Variants in PADI4 observed in about 807,000 individuals in gnomAD.
The protein encoded by PADI4 is peptidyl arginine deiminase 4.
In PADI4, 62 loss-of-function variants were observed where a neutral mutation model predicts 75.0. The observed-to-expected ratio is 0.83, with a 90% CI of 0.67 to 1.02. The LOEUF (loss-of-function observed/expected upper bound fraction) is 1.02. Ranked by LOEUF, PADI4 falls within the 50% of genes least tolerant of loss-of-function variation. The probability of loss-of-function intolerance (pLI) is 0.00; values close to 1 mark genes in which losing one functional copy is unlikely to be tolerated. For synonymous variants in PADI4, 361 were observed against 348.1 expected (o/e 1.04, Z -0.41); for missense variants, 845 against 850.5 (o/e 0.99, Z 0.08).
intron 13 of PADI4, 25 bp from the exon 14 acceptor site, chr1:17,358,813 T>C (rs2074803745): frequency 3.3e-6 from 5 of 1,520,044 alleles, no homozygotes; most frequent in Non-Finnish European, 4.5e-6. Flanking sequence ...TTCATTTGCC[T>C]TTTTTTTCTT....
intron 8 of PADI4, among the ~76,000 whole-genome samples, chr1:17,345,481 G>C (rs1259402794): frequency 1.3e-5 from 2 of 152,154 alleles, no homozygotes; most frequent in Non-Finnish European, 2.9e-5. Context: ...ATATGCTTTG[G>C]TTCTGTGTCC....
rs148283483 is a variant in PADI4, at chr1:17,339,957, G to A, written c.652+144G>A. 7.4e-4 allele frequency: 610 copies of A among 825,770 alleles called. 3 individuals carry two copies. In the African/African-American group the frequency reaches 9.2e-3, roughly 12 times the overall value. 51.2% of individuals were successfully genotyped at this position (825,770 alleles called of 1,614,324 possible). A position where few individuals can be genotyped will look rare whatever the true frequency, so the allele number is the denominator to read the frequency against. Reference sequence around the variant, plus strand: ...AGACGCAGCAGTGGGCAAGACAGACGACATCTCGTCTACTACCTTCCAGTT... The same window carrying A: ...AGACGCAGCAGTGGGCAAGACAGACAACATCTCGTCTACTACCTTCCAGTT... On this transcript the variant is annotated intron_variant, in intron 6 of 15. Coordinates refer to ENST00000375448, the MANE Select transcript of PADI4 (RefSeq NM_012387.3).
intron 7 of PADI4, 31 bp downstream of exon 7, chr1:17,342,152 G>T: frequency 6.9e-6 from 11 of 1,605,092 alleles, no homozygotes; most frequent in Non-Finnish European, 9.4e-6. Flanking sequence ...TGCATCGGGG[G>T]CCTGGGCTTC....
At chr1:17,352,032 ATGG>A (rs1557576672) in intron 10 of PADI4, among the ~76,000 whole-genome samples, 10 of 7,220 alleles carry the variant, frequency 1.4e-3, no homozygotes, top group African/African-American at 3.1e-3. Flanking sequence ...CAGGGAGGTG[ATGG>A]GAGGAGAGGC....
rs190240558 is a variant in PADI4, at chr1:17,349,853, C to A, written c.1155+1805C>A. Among the ~76,000 whole-genome samples the A allele has an allele frequency of 7.3e-3, 933 of 127,092 alleles. 82 individuals carry two copies. Among genetic ancestry groups the A allele is most frequent in the African/African-American group, 0.023 (896 of 39,658 alleles). The allele number at this position is 127,092 out of a possible 152,430, so 83.4% of individuals were successfully genotyped here. A position where few individuals can be genotyped will look rare whatever the true frequency, so the allele number is the denominator to read the frequency against. Reference sequence around the variant, plus strand: ...CACCATTGTAGGCCACTCTCGCTGTCCCTTACCCAGCCCCACCTCCACTGG... The same window carrying A: ...CACCATTGTAGGCCACTCTCGCTGTACCTTACCCAGCCCCACCTCCACTGG... On this transcript the variant is annotated intron_variant, in intron 10 of 15. Transcript: ENST00000375448.
chr1:17,321,320 A>G (rs1484275416), intron 1 of PADI4, among the ~76,000 whole-genome samples: 1 of 152,202 alleles, frequency 6.6e-6, no homozygotes, highest in Non-Finnish European at 1.5e-5. Flanking sequence ...CAGGGAGAGC[A>G]GCACGGGGGA....
intron 2 of PADI4, among the ~76,000 whole-genome samples, chr1:17,333,471 T>G (rs1008437662): frequency 6.6e-6 from 1 of 152,036 alleles, no homozygotes; most frequent in African/African-American, 2.4e-5. Flanking sequence ...TTCTCATCTC[T>G]TCCTGAAGAA....
chr1:17,325,942 G>A (rs1487499790), intron 1 of PADI4, among the ~76,000 whole-genome samples: 4 of 152,054 alleles, frequency 2.6e-5, no homozygotes, highest in Admixed American at 6.6e-5. Context: ...GACCTCATGG[G>A]ATCTGCCCAC....
At chr1:17,332,670 C>A (rs921227803) in intron 2 of PADI4, among the ~76,000 whole-genome samples, 1 of 152,180 alleles carries the variant, frequency 6.6e-6, no homozygotes, top group Non-Finnish European at 1.5e-5. Flanking sequence ...TACTACACCC[C>A]CTTTGCCTGT....
rs530325059 is a variant in PADI4, at chr1:17,341,945, G to A, written c.655G>A (p.Gly219Ser). Residue 219 changes from glycine (G) to serine (S), a missense_variant and splice_region_variant, in exon 7 of 16, where the codon GGC becomes AGC. Physicochemically the swap from Gly to Ser is moderately conservative, Grantham distance 56. Transcript: ENST00000375448. Reference protein sequence around the residue: ...DKVRVFQATRGKLSSKCSVVL... With the variant: ...DKVRVFQATRSKLSSKCSVVL... ...AGTCTCCCCTGCCTCTCTCCTAGGG[G>A]GCAAACTGTCCTCCAAGTGCAGCGT... 2.5e-6 allele frequency: 4 copies of A among 1,613,332 alleles called. No individual in the cohort carries two copies. The highest frequency in any genetic ancestry group is 2.5e-6 in the Non-Finnish European group (3 of 1,179,568).
intron 1 of PADI4, among the ~76,000 whole-genome samples, chr1:17,314,146 C>A (rs2073893180): frequency 6.6e-6 from 1 of 152,176 alleles, no homozygotes; most frequent in South Asian, 2.1e-4. Context: ...CTGAGGCGGA[C>A]CTAGCCCCTC....
intron 2 of PADI4, among the ~76,000 whole-genome samples, chr1:17,331,867 A>C (rs2074219714): frequency 1.3e-5 from 2 of 152,176 alleles, no homozygotes; most frequent in South Asian, 4.1e-4. Context: ...TCAGTGAGCC[A>C]AGATTGCGCC....
intron 1 of PADI4, among the ~76,000 whole-genome samples, chr1:17,312,676 T>C (rs1438128221): frequency 6.6e-6 from 1 of 152,130 alleles, no homozygotes; most frequent in African/African-American, 2.4e-5. Flanking sequence ...AGAAATCAGA[T>C]ATGCATTTGT....
chr1:17,338,702 G>T (rs1361047669), intron 5 of PADI4, among the ~76,000 whole-genome samples: 2 of 152,210 alleles, frequency 1.3e-5, no homozygotes, highest in Admixed American at 1.3e-4. Context: ...ACCGGAGCAG[G>T]TTTAGAGGCA....
intron 4 of PADI4, among the ~76,000 whole-genome samples, chr1:17,336,608 A>G (rs1170997315): frequency 6.6e-6 from 1 of 152,184 alleles, no homozygotes; most frequent in African/African-American, 2.4e-5. Context: ...CAGAGAAAGG[A>G]AGAAATGGCA....
intron 6 of PADI4, among the ~76,000 whole-genome samples, chr1:17,341,126 GTC>G (rs1313663361): frequency 7.1e-6 from 1 of 140,206 alleles, no homozygotes; most frequent in Non-Finnish European, 1.5e-5. Flanking sequence ...TTGAGATGGA[GTC>G]TCTCTCTGTC....
At chr1:17,345,962 C>G (rs1441654275) in intron 8 of PADI4, 66 bp from the exon 9 acceptor site, 2 of 1,088,210 alleles carry the variant, frequency 1.8e-6, no homozygotes, top group Admixed American at 1.8e-5. Context: ...GTGTGTCCCT[C>G]CCAATCCTTC....
At chr1:17,329,582 T>C (rs2074174489) in intron 1 of PADI4, among the ~76,000 whole-genome samples, 1 of 152,120 alleles carries the variant, frequency 6.6e-6, no homozygotes, top group Non-Finnish European at 1.5e-5. Flanking sequence ...CGTCTTCATG[T>C]TGAGTAGGCT....
At chr1:17,351,978 ATGG>A (rs1557576270) in intron 10 of PADI4, among the ~76,000 whole-genome samples, 13,813 of 58,614 alleles carry the variant, frequency 0.24, 2,103 homozygotes, top group Admixed American at 0.34. Context: ...CAGGGAGGTG[ATGG>A]GAGGAGAGGC....
Sources: gnomAD v4.1 joint callset for allele counts (sites outside exome capture counted in the v4.1 genomes callset) on GRCh38, gnomAD v4.1.1 for gene constraint, MANE v1.5 for transcripts, NCBI Gene and HGNC (gene_info 2026-07-23, HGNC 2026-07-21) for gene names.